PDHX: variants seen among roughly 807,000 people sequenced by gnomAD.
PDHX encodes the protein pyruvate dehydrogenase complex component X.
PDHX carries 33 observed loss-of-function variants against 55.3 expected under a neutral mutation model. The ratio of observed to expected loss-of-function variants is 0.60; its 90% CI spans 0.45 to 0.80. The LOEUF (loss-of-function observed/expected upper bound fraction) is 0.80, where lower values mean the gene tolerates loss of function less well. Among genes scored for constraint, PDHX ranks in the 30% least tolerant of loss-of-function variants. The probability of loss-of-function intolerance (pLI) is 0.00; values close to 1 mark genes in which losing one functional copy is unlikely to be tolerated. For missense variants in PDHX, 622 were observed against 619.9 expected (o/e 1.00, Z -0.04); for synonymous variants, 226 against 219.4 (o/e 1.03, Z -0.27).
Position 34,995,167 on chromosome 11 carries a change from G to C in PDHX, c.1501G>C (p.Ala501Pro). The change falls in exon 11 of 11, where the codon GCC (alanine) becomes CCC (proline). Residue 501 changes from alanine (A) to proline (P), a missense_variant. Transcript: ENST00000227868. ...AAACCTAGAGAATCCTATCCGACTT[G>C]CCTAGTCCTCAAAGATAAGAAGTTG... is the stretch of plus-strand genomic sequence containing the variant. The part of the protein sequence containing the change: ...KANLENPIRL[A>P] The C allele has an allele frequency of 6.2e-7, 1 of 1,613,774 alleles. No homozygotes were observed. Among genetic ancestry groups the C allele is most frequent in the Non-Finnish European group, 8.5e-7 (1 of 1,179,818 alleles).
At chr11:34,922,865 T>TGTGTGC (rs1853922489) in intron 1 of PDHX, among the ~76,000 whole-genome samples, 1 of 18,550 alleles carries the variant, frequency 5.4e-5, no homozygotes, top group Non-Finnish European at 1.2e-4. Context: ...AAAGTATCGT[T>TGTGTGC]GTGTGTGTGT....
intron 5 of PDHX, among the ~76,000 whole-genome samples, chr11:34,964,312 G>C (rs1299411453): frequency 1.3e-5 from 2 of 152,012 alleles, no homozygotes; most frequent in Non-Finnish European, 2.9e-5. Flanking sequence ...TATAAAATCA[G>C]CAATAAAAAG....
chr11:34,981,455 A>G (rs1262321996), intron 8 of PDHX, among the ~76,000 whole-genome samples: 10 of 152,216 alleles, frequency 6.6e-5, no homozygotes, highest in Non-Finnish European at 1.5e-5. Context: ...GTGCCACAAT[A>G]AACATATGTG....
At chr11:34,922,758 C>T (rs969048318) in intron 1 of PDHX, among the ~76,000 whole-genome samples, 3 of 151,720 alleles carry the variant, frequency 2.0e-5, no homozygotes, top group African/African-American at 7.3e-5. Flanking sequence ...TTGACTTCTC[C>T]TATCTGTAAA....
Position 34,995,051 on chromosome 11 carries a change from A to T in PDHX, c.1385A>T (p.Gln462Leu), listed in dbSNP as rs1216242097. The T allele has an allele frequency of 1.9e-6, 3 of 1,613,966 alleles. No individual in the cohort carries two copies. The East Asian group carries it at 6.7e-5, about 36-fold the overall frequency. ...GATGAAGAGGGAAATGCCAAACTGC[A>T]GCAGCGCCAGCTCATAACAGTCACA... ...TEDEEGNAKL[Q>L]QRQLITVTMS... The change falls in exon 11 of 11, where the codon CAG becomes CTG. Residue 462 changes from glutamine to leucine, a missense_variant. Physicochemically the swap from Gln to Leu is moderately radical, Grantham distance 113. Coordinates refer to ENST00000227868, the MANE Select transcript of PDHX (RefSeq NM_003477.3).
intron 2 of PDHX, among the ~76,000 whole-genome samples, chr11:34,934,091 A>G (rs1854244612): frequency 6.6e-6 from 1 of 152,208 alleles, no homozygotes; most frequent in Non-Finnish European, 1.5e-5. Flanking sequence ...CATTATTAGC[A>G]TATCACAGTT....
At chr11:34,922,617 C>T (rs72930480) in intron 1 of PDHX, among the ~76,000 whole-genome samples, 33,531 of 152,038 alleles carry the variant, frequency 0.22, 4,897 homozygotes, top group Non-Finnish European at 0.34. Flanking sequence ...AAAATGAAAT[C>T]AGACATAGTA....
At chr11:34,991,514 A>T (rs1463492240) in intron 9 of PDHX, among the ~76,000 whole-genome samples, 1 of 152,170 alleles carries the variant, frequency 6.6e-6, no homozygotes, top group Non-Finnish European at 1.5e-5. Context: ...TGGGGTTGAG[A>T]TTGTGGATAA....
At chr11:34,992,944 T>A (rs1230933966) in intron 10 of PDHX, among the ~76,000 whole-genome samples, 1 of 152,150 alleles carries the variant, frequency 6.6e-6, no homozygotes, top group Non-Finnish European at 1.5e-5. Context: ...TTATACAAAT[T>A]TACACCTCCA....
intron 6 of PDHX, among the ~76,000 whole-genome samples, chr11:34,967,104 G>C (rs1855154333): frequency 6.6e-6 from 1 of 152,068 alleles, no homozygotes; most frequent in African/African-American, 2.4e-5. Context: ...CACCCGCCTT[G>C]GCCTCCCAAA....
At chr11:34,986,605 T>A (rs1855650868) in intron 9 of PDHX, among the ~76,000 whole-genome samples, 1 of 152,238 alleles carries the variant, frequency 6.6e-6, no homozygotes, top group South Asian at 2.1e-4. Context: ...ATTTCCTTGA[T>A]TCTGAGCAAT....
At chr11:34,920,338 G>A (rs1010741707) in intron 1 of PDHX, among the ~76,000 whole-genome samples, 33 of 152,062 alleles carry the variant, frequency 2.2e-4, no homozygotes, top group African/African-American at 7.7e-4. Context: ...AGTAACTGAG[G>A]TTCAATCTTG....
At chr11:34,971,570 A>G (rs1855258935) in intron 7 of PDHX, among the ~76,000 whole-genome samples, 2 of 152,152 alleles carry the variant, frequency 1.3e-5, no homozygotes, top group Non-Finnish European at 2.9e-5. Context: ...CTGTCTGTTA[A>G]TAAGGTGAAT....
At chr11:34,955,649 A>T (rs182115704) in intron 3 of PDHX, among the ~76,000 whole-genome samples, 14 of 152,264 alleles carry the variant, frequency 9.2e-5, no homozygotes, top group African/African-American at 3.4e-4. Flanking sequence ...AATGCTGTTT[A>T]TTGCCTACTT....
intron 5 of PDHX, among the ~76,000 whole-genome samples, chr11:34,966,225 T>C (rs965836144): frequency 2.6e-5 from 4 of 152,236 alleles, no homozygotes; most frequent in Non-Finnish European, 4.4e-5. Flanking sequence ...GGAAGTATCC[T>C]GGTGAAAGCC....
intron 7 of PDHX, chr11:34,977,800 G>A (rs575980622): frequency 2.1e-6 from 1 of 466,882 alleles, no homozygotes; most frequent in South Asian, 1.5e-5. Context: ...TGTCTTTTTC[G>A]AGACATAGGA....
At chr11:34,943,574 A>G (rs1449881580) in intron 2 of PDHX, among the ~76,000 whole-genome samples, 2 of 152,206 alleles carry the variant, frequency 1.3e-5, no homozygotes, top group Non-Finnish European at 2.9e-5. Flanking sequence ...CCACTAAAAC[A>G]TTTAAAGAAG....
Position 34,995,196 on chromosome 11 carries a change from T to A in PDHX, c.*24T>A. Reference sequence around the variant, plus strand: ...AGTCCTCAAAGATAAGAAGTTGGTGTTCAGCTTAGTTGATTCAGTAGTTGT... The same window carrying A: ...AGTCCTCAAAGATAAGAAGTTGGTGATCAGCTTAGTTGATTCAGTAGTTGT... On this transcript the variant is annotated 3_prime_UTR_variant, in exon 11 of 11. Coordinates refer to ENST00000227868, the MANE Select transcript of PDHX (RefSeq NM_003477.3). 6.2e-7 allele frequency: 1 copy of A among 1,612,494 alleles called. No individual in the cohort carries two copies. Among genetic ancestry groups the A allele is most frequent in the South Asian group, 1.1e-5 (1 of 90,712 alleles).
intron 5 of PDHX, among the ~76,000 whole-genome samples, chr11:34,964,939 A>G (rs1462412923): frequency 2.0e-5 from 3 of 151,950 alleles, no homozygotes; most frequent in African/African-American, 7.3e-5. Flanking sequence ...AGTGTCAGCA[A>G]CCTTTTTTTT....
Sources: allele counts gnomAD v4.1 joint callset (sites outside exome capture counted in the v4.1 genomes callset), GRCh38; gene constraint gnomAD v4.1.1; transcripts MANE v1.5; gene names NCBI Gene and HGNC (gene_info 2026-07-23, HGNC 2026-07-21).